Variants in CASTOR2 observed in about 807,000 individuals in gnomAD.
CASTOR2 encodes the protein cytosolic arginine sensor for mTORC1 subunit 2, also known as GATS protein like 2.
In CASTOR2, 8 loss-of-function variants were observed where a neutral mutation model predicts 31.2. The observed-to-expected ratio is 0.26, with a 90% CI of 0.15 to 0.46. The LOEUF is 0.46. CASTOR2 is among the 20% of genes least tolerant of loss of function. The pLI is 0.99. For synonymous variants in CASTOR2, 162 were observed against 158.7 expected (o/e 1.02, Z -0.16); for missense variants, 216 against 382.1 (o/e 0.57, Z 3.62).
At position 75,029,691 on chromosome 7, in the gene CASTOR2, A is replaced by T. The variant is rs1463217928; in HGVS notation, c.*4992A>T. ...CCTGAGTGAAGCGCTTTGCATGGGG[A>T]TGGGAAGAAGCACCCCCAACCTTCT... On this transcript the variant is annotated 3_prime_UTR_variant, in exon 9 of 9. Coordinates refer to ENST00000616305, the MANE Select transcript of CASTOR2 (RefSeq NM_001145064.3). Among the ~76,000 whole-genome samples the T allele has an allele frequency of 6.6e-6, 1 of 152,042 alleles. No homozygotes were observed. Among genetic ancestry groups the T allele is most frequent in the Non-Finnish European group, 1.5e-5 (1 of 67,998 alleles).
intron 2 of CASTOR2, among the ~76,000 whole-genome samples, chr7:75,015,737 AGG>A (rs1563063249): frequency 0.031 from 4,694 of 152,130 alleles, 84 homozygotes; most frequent in East Asian, 0.049. Flanking sequence ...TTCCAGGTCC[AGG>A]GTTTCTGGAC....
In CASTOR2 at chr7:75,028,381, G is replaced by A. The variant is rs1012585892; in HGVS notation, c.*3682G>A. On this transcript the variant is annotated 3_prime_UTR_variant, in exon 9 of 9. Coordinates refer to ENST00000616305, the MANE Select transcript of CASTOR2 (RefSeq NM_001145064.3). ...AGTGATCCACCCACCTTGGCCTCCC[G>A]AAGTGCTGGGATTACAGGCATGAGC... 5.3e-5 allele frequency among the ~76,000 whole-genome samples: 8 copies of A among 151,924 alleles called. No individual in the cohort carries two copies. The highest frequency in any genetic ancestry group is 1.0e-4 in the Non-Finnish European group (7 of 67,970).
At chr7:75,008,900 T>G (rs1804665342) in intron 2 of CASTOR2, among the ~76,000 whole-genome samples, 2 of 152,076 alleles carry the variant, frequency 1.3e-5, no homozygotes, top group Non-Finnish European at 2.9e-5. Context: ...TAGTGTGCCA[T>G]GATCACGTCT....
chr7:74,992,741 A>G (rs1231219796), intron 1 of CASTOR2, among the ~76,000 whole-genome samples: 3 of 152,060 alleles, frequency 2.0e-5, no homozygotes, highest in South Asian at 4.2e-4. Flanking sequence ...CCCGGCCTCA[A>G]GATTTTTTTA....
At chr7:74,987,652 C>G (rs1382357937) in intron 1 of CASTOR2, among the ~76,000 whole-genome samples, 16 of 152,242 alleles carry the variant, frequency 1.1e-4, no homozygotes, top group Non-Finnish European at 2.2e-4. Flanking sequence ...AGGCCCCTCT[C>G]ACAGTGGCTA....
chr7:74,995,927 A>G (rs1804336261), intron 1 of CASTOR2, among the ~76,000 whole-genome samples: 1 of 151,790 alleles, frequency 6.6e-6, no homozygotes, highest in Non-Finnish European at 1.5e-5. Flanking sequence ...GCAGTGAGCT[A>G]TGATTGCACC....
intron 1 of CASTOR2, among the ~76,000 whole-genome samples, chr7:74,992,057 C>A (rs1300701067): frequency 1.3e-5 from 2 of 151,900 alleles, no homozygotes; most frequent in African/African-American, 4.8e-5. Context: ...AGGGGTCAAT[C>A]GAAGAGGGCT....
intron 1 of CASTOR2, among the ~76,000 whole-genome samples, chr7:74,997,305 G>C (rs1804375855): frequency 6.6e-6 from 1 of 151,996 alleles, no homozygotes; most frequent in Non-Finnish European, 1.5e-5. Context: ...TCTGCAAAGG[G>C]ACATTGATTC....
In CASTOR2 at chr7:74,995,912, C is replaced by G. The variant is rs1804335356; in HGVS notation, c.114-12082C>G. Among the ~76,000 whole-genome samples, 5 of 151,740 alleles carry G rather than the reference C, an allele frequency of 3.3e-5. No individual in the cohort carries two copies. The South Asian group carries it at 1.0e-3, about 32-fold the overall frequency. On this transcript the variant is annotated intron_variant, in intron 1 of 8. Coordinates refer to ENST00000616305, the MANE Select transcript of CASTOR2 (RefSeq NM_001145064.3). ...CTCACTTGAGCCCAGAAGTCTGAGG[C>G]TGCTGCAGTGAGCTATGATTGCACC...
chr7:74,967,806 A>AT (rs1170598113), intron 1 of CASTOR2, among the ~76,000 whole-genome samples: 2 of 55,362 alleles, frequency 3.6e-5, no homozygotes, highest in Non-Finnish European at 7.0e-5. Flanking sequence ...AAGTGCTGGG[A>AT]TTACAGGCGT....
chr7:75,014,733 C>T (rs1405285219), intron 2 of CASTOR2, among the ~76,000 whole-genome samples: 1 of 152,212 alleles, frequency 6.6e-6, no homozygotes, highest in Non-Finnish European at 1.5e-5. Context: ...GCAGCAGCCG[C>T]CTCTTCCCCC....
intron 1 of CASTOR2, among the ~76,000 whole-genome samples, chr7:74,997,263 G>A (rs1369590805): frequency 6.6e-6 from 1 of 151,832 alleles, no homozygotes; most frequent in Non-Finnish European, 1.5e-5. Flanking sequence ...GGATCTCACT[G>A]TGTTGCCCAG....
At position 75,020,105 on chromosome 7, in the gene CASTOR2, C is replaced by T. The variant is rs1217491204; in HGVS notation, c.702C>T (p.Ile234=). The change falls in exon 6 of 9, where the codon ATC becomes ATT. Residue 234 remains isoleucine (I), a synonymous_variant. Transcript: ENST00000616305. ...GHIRFFSFSL[I]EGYISLVMDV... ...TCCGCTTCTTCTCCTTCTCCCTCAT[C>T]GAGGGCTACATCTCCCTGGTGATGG... The T allele has an allele frequency of 4.5e-6, 7 of 1,551,398 alleles. No individual in the cohort carries two copies. The highest frequency in any genetic ancestry group is 2.4e-5 in the East Asian group (1 of 40,932).
chr7:75,012,158 C>A (rs1364102497), intron 2 of CASTOR2, among the ~76,000 whole-genome samples: 10 of 152,058 alleles, frequency 6.6e-5, no homozygotes, highest in Admixed American at 2.6e-4. Flanking sequence ...TGGTATACCA[C>A]CATGTGTGGC....
At chr7:74,981,539 G>A (rs1270866353) in intron 1 of CASTOR2, among the ~76,000 whole-genome samples, 6 of 145,458 alleles carry the variant, frequency 4.1e-5, no homozygotes, top group Non-Finnish European at 6.1e-5. Context: ...GCCTCAGGAC[G>A]AAGGTCTCAT....
At chr7:75,012,072 G>A (rs1476267964) in intron 2 of CASTOR2, among the ~76,000 whole-genome samples, 1 of 152,150 alleles carries the variant, frequency 6.6e-6, no homozygotes, top group African/African-American at 2.4e-5. Context: ...AAGCCAGGAC[G>A]GAAAGTAGGA....
At chr7:74,974,320 G>C (rs1383388082) in intron 1 of CASTOR2, among the ~76,000 whole-genome samples, 1 of 148,980 alleles carries the variant, frequency 6.7e-6, no homozygotes, top group Non-Finnish European at 1.5e-5. Flanking sequence ...GTGTATACCT[G>C]CTGTAGGCAG....
intron 1 of CASTOR2, among the ~76,000 whole-genome samples, chr7:74,999,649 C>T (rs1315498370): frequency 4.5e-5 from 5 of 110,014 alleles, no homozygotes; most frequent in Non-Finnish European, 6.7e-5. Context: ...GACGGAATCT[C>T]GCTCTGTCTC....
At chr7:74,987,469 C>T (rs1188982809) in intron 1 of CASTOR2, among the ~76,000 whole-genome samples, 7 of 151,824 alleles carry the variant, frequency 4.6e-5, no homozygotes, top group African/African-American at 1.7e-4. Context: ...GTTCTTAAGT[C>T]GCTCAAACAC....
Sources: gnomAD v4.1 joint callset for allele counts (sites outside exome capture counted in the v4.1 genomes callset) on GRCh38, gnomAD v4.1.1 for gene constraint, MANE v1.5 for transcripts, NCBI Gene and HGNC (gene_info 2026-07-23, HGNC 2026-07-21) for gene names.